The following ERBB4 variants were observed in gnomAD, a reference collection of about 807,000 sequenced individuals.
The protein encoded by ERBB4 is erb-b2 receptor tyrosine kinase 4, also known as receptor tyrosine-protein kinase erbB-4.
A neutral mutation model predicts 158.0 loss-of-function variants in ERBB4; 42 were observed. That is an observed-to-expected ratio of 0.27 (90% CI 0.21 to 0.34). The LOEUF (loss-of-function observed/expected upper bound fraction) is 0.34, where lower values mean the gene tolerates loss of function less well. Ranked by LOEUF, ERBB4 falls within the 10% of genes least tolerant of loss-of-function variation. The pLI, the probability that ERBB4 is intolerant of heterozygous loss-of-function variation, is 1.00. For synonymous variants in ERBB4, 583 were observed against 558.7 expected (o/e 1.04, Z -0.61); for missense variants, 1,333 against 1,624.1 (o/e 0.82, Z 3.08).
intron 3 of ERBB4, among the ~76,000 whole-genome samples, chr2:211,843,611 A>G (rs1378363108): frequency 6.6e-6 from 1 of 152,102 alleles, no homozygotes; most frequent in Non-Finnish European, 1.5e-5. Context: ...AGATTTTAAA[A>G]ATGTTTTTCT....
chr2:211,851,780 G>C (rs543474231), intron 3 of ERBB4, among the ~76,000 whole-genome samples: 2 of 151,944 alleles, frequency 1.3e-5, no homozygotes, highest in South Asian at 2.1e-4. Flanking sequence ...TGAATTCTTA[G>C]AATACAGAAA....
rs576132277 is a variant in ERBB4, at chr2:211,696,067, C to CTCCT, written c.1489+5896_1489+5899dup. Reference sequence around the variant, plus strand: ...TCCCCTTCCCCCCCTCCCTCCCTCCCTCCTTCCTTCCTTCCTTTCTTCCTC... The same window carrying CTCCT: ...TCCCCTTCCCCCCCTCCCTCCCTCCCTCCTTCCTTCCTTCCTTCCTTTCTTCCTC... On this transcript the variant is annotated intron_variant, in intron 12 of 27. Coordinates refer to ENST00000342788, the MANE Select transcript of ERBB4 (RefSeq NM_005235.3). 4.0e-5 allele frequency among the ~76,000 whole-genome samples: 5 copies of CTCCT among 125,374 alleles called. No individual in the cohort carries two copies. The East Asian group carries it at 7.8e-4, about 20-fold the overall frequency. The allele number at this position is 125,374 out of a possible 152,430, so 82.3% of individuals were successfully genotyped here. A position where few individuals can be genotyped will look rare whatever the true frequency, so the allele number is the denominator to read the frequency against.
intron 2 of ERBB4, among the ~76,000 whole-genome samples, chr2:211,974,882 A>G (rs1206113907): frequency 6.6e-6 from 1 of 152,224 alleles, no homozygotes; most frequent in Admixed American, 6.5e-5. Flanking sequence ...GTTGAAATAC[A>G]TGCATTCATG....
At chr2:212,141,486 A>G (rs1270516133) in intron 1 of ERBB4, among the ~76,000 whole-genome samples, 1 of 152,084 alleles carries the variant, frequency 6.6e-6, no homozygotes, top group African/African-American at 2.4e-5. Flanking sequence ...GCATGTAGAA[A>G]GACTGCTCCA....
intron 2 of ERBB4, among the ~76,000 whole-genome samples, chr2:212,063,717 CA>C (rs2077851802): frequency 6.6e-6 from 1 of 151,962 alleles, no homozygotes; most frequent in Admixed American, 6.6e-5. Context: ...ACGAAATAAA[CA>C]AAAAGCCATA....
intron 2 of ERBB4, among the ~76,000 whole-genome samples, chr2:211,949,251 T>G (rs2080805421): frequency 6.6e-6 from 1 of 152,168 alleles, no homozygotes; most frequent in Non-Finnish European, 1.5e-5. Flanking sequence ...CAAGATATTT[T>G]AAAGACATAA....
intron 3 of ERBB4, among the ~76,000 whole-genome samples, chr2:211,851,854 A>G (rs1240578390): frequency 2.6e-5 from 4 of 151,946 alleles, no homozygotes; most frequent in Non-Finnish European, 4.4e-5. Context: ...CTAAAGAGAT[A>G]TGAGCAAAGG....
intron 5 of ERBB4, among the ~76,000 whole-genome samples, chr2:211,746,441 G>A (rs2074975359): frequency 6.6e-6 from 1 of 152,138 alleles, no homozygotes; most frequent in African/African-American, 2.4e-5. Flanking sequence ...GCTGAATTAA[G>A]TAATTTCACG....
rs1370240862 is a variant in ERBB4, at chr2:211,712,038, T to C, written c.1124+12A>G. ...CTTTGTAAAATAACTTGCACAAAAA[T>C]TTAATACTGACCCATGAATACCAGT... On this transcript the variant is annotated intron_variant, in intron 9 of 27. Coordinates refer to ENST00000342788, the MANE Select transcript of ERBB4 (RefSeq NM_005235.3). 2.5e-6 allele frequency: 4 copies of C among 1,609,206 alleles called. No homozygotes were observed. The highest frequency in any genetic ancestry group is 3.4e-6 in the Non-Finnish European group (4 of 1,175,948).
At chr2:211,905,912 A>G (rs1201619354) in intron 3 of ERBB4, among the ~76,000 whole-genome samples, 1 of 151,396 alleles carries the variant, frequency 6.6e-6, no homozygotes, top group Non-Finnish European at 1.5e-5. Flanking sequence ...GGCACCAAAG[A>G]GGTAGGGTGT....
chr2:212,408,821 C>T (rs1402931283), intron 1 of ERBB4, among the ~76,000 whole-genome samples: 3 of 152,130 alleles, frequency 2.0e-5, no homozygotes, highest in African/African-American at 4.8e-5. Flanking sequence ...TAAACTTTCC[C>T]TAAATTCACT....
intron 1 of ERBB4, among the ~76,000 whole-genome samples, chr2:212,357,740 T>C (rs1264302759): frequency 6.6e-6 from 1 of 151,834 alleles, no homozygotes; most frequent in African/African-American, 2.4e-5. Flanking sequence ...TGCCCTCCAC[T>C]GTGTGGGAGA....
chr2:211,420,485 G>A lies in ERBB4; in HGVS notation c.3091C>T (p.Pro1031Ser). Residue 1031 changes from proline (P) to serine (S), a missense_variant, in exon 25 of 28, where the codon CCA (proline) becomes TCA (serine). Transcript: ENST00000342788. ...GCTCTGGAAGTATAGATGGGAGGTGGGATGTTGAAAGCCTGAGGGACCAAG... is the reference window on the plus strand; with the variant it reads ...GCTCTGGAAGTATAGATGGGAGGTGAGATGTTGAAAGCCTGAGGGACCAAG... Reference protein sequence around the residue: ...EYLVPQAFNIPPPIYTSRARI... With the variant: ...EYLVPQAFNISPPIYTSRARI... 3 of 1,612,290 alleles carry A rather than the reference G, an allele frequency of 1.9e-6. No homozygotes were observed. Among genetic ancestry groups the A allele is most frequent in the Non-Finnish European group, 2.5e-6 (3 of 1,178,812 alleles).
chr2:212,272,547 C>T (rs2106122304), intron 1 of ERBB4, among the ~76,000 whole-genome samples: 2 of 151,808 alleles, frequency 1.3e-5, no homozygotes, highest in East Asian at 3.9e-4. Flanking sequence ...ATGAAGTAGC[C>T]CCAGGCTAGA....
At chr2:212,120,309 T>A (rs2079708463) in intron 2 of ERBB4, among the ~76,000 whole-genome samples, 1 of 152,158 alleles carries the variant, frequency 6.6e-6, no homozygotes, top group Non-Finnish European at 1.5e-5. Context: ...TTCCAAATCC[T>A]CATGGGAAGG....
chr2:212,285,674 G>A (rs1026845949), intron 1 of ERBB4, among the ~76,000 whole-genome samples: 3 of 152,088 alleles, frequency 2.0e-5, no homozygotes, highest in African/African-American at 4.8e-5. Context: ...TATTCAGTTT[G>A]TTAAAAATGA....
At chr2:212,369,697 CT>C (rs1043772499) in intron 1 of ERBB4, among the ~76,000 whole-genome samples, 1 of 151,984 alleles carries the variant, frequency 6.6e-6, no homozygotes, top group African/African-American at 2.4e-5. Flanking sequence ...AATACACTAC[CT>C]TTTTTTATTT....
At chr2:211,859,165 T>C (rs1390270717) in intron 3 of ERBB4, among the ~76,000 whole-genome samples, 3 of 152,202 alleles carry the variant, frequency 2.0e-5, no homozygotes, top group Non-Finnish European at 4.4e-5. Flanking sequence ...ATTAATTCAA[T>C]TTTAGCAATC....
intron 1 of ERBB4, among the ~76,000 whole-genome samples, chr2:212,151,781 C>T (rs1029323617): frequency 6.6e-5 from 10 of 152,034 alleles, no homozygotes; most frequent in Non-Finnish European, 1.5e-4. Flanking sequence ...CCCAGCTACT[C>T]AAGAGGCTGA....
Sources: allele counts gnomAD v4.1 joint callset (sites outside exome capture counted in the v4.1 genomes callset), GRCh38; gene constraint gnomAD v4.1.1; transcripts MANE v1.5; gene names NCBI Gene and HGNC (gene_info 2026-07-23, HGNC 2026-07-21).